CNTNAP2: variants seen among roughly 807,000 people sequenced by gnomAD.
CNTNAP2 encodes contactin associated protein 2.
In CNTNAP2, 98 loss-of-function variants were observed where a neutral mutation model predicts 155.2. The ratio of observed to expected loss-of-function variants is 0.63; its 90% CI spans 0.54 to 0.75. CNTNAP2 has a LOEUF of 0.75. Among genes scored for constraint, CNTNAP2 ranks in the 30% least tolerant of loss-of-function variants. The pLI is 0.00. For missense variants in CNTNAP2, 1,727 were observed against 1,688.1 expected, an observed-to-expected ratio of 1.02 and a Z score of -0.40; for synonymous variants, 651 against 631.2, an observed-to-expected ratio of 1.03 and a Z score of -0.47.
At chr7:147,528,701 A>G (rs1308982398) in intron 11 of CNTNAP2, among the ~76,000 whole-genome samples, 1 of 152,328 alleles carries the variant, frequency 6.6e-6, no homozygotes, top group East Asian at 1.9e-4. Flanking sequence ...TGGCCCACAC[A>G]TGAGAGGGAA....
chr7:147,849,233 A>G (rs573547741), intron 13 of CNTNAP2, among the ~76,000 whole-genome samples: 11 of 152,352 alleles, frequency 7.2e-5, no homozygotes, highest in Non-Finnish European at 1.3e-4. Flanking sequence ...CTCAAGGCCA[A>G]TATTACATTT....
chr7:148,087,223 T>C (rs1803751587), intron 15 of CNTNAP2, among the ~76,000 whole-genome samples: 1 of 152,160 alleles, frequency 6.6e-6, no homozygotes, highest in Non-Finnish European at 1.5e-5. Context: ...CCCCATGTTG[T>C]TAGTCTTTCT....
chr7:147,118,887 T>C (rs1330821955), intron 5 of CNTNAP2, among the ~76,000 whole-genome samples: 2 of 152,194 alleles, frequency 1.3e-5, no homozygotes, highest in Non-Finnish European at 2.9e-5. Context: ...TAGACCAAAT[T>C]ATTTTTAGAG....
In CNTNAP2 at chr7:146,450,967, G is replaced by C. The variant is rs1213820828; in HGVS notation, c.98-323304G>C. On this transcript the variant is annotated intron_variant, in intron 1 of 23. Coordinates refer to ENST00000361727, the MANE Select transcript of CNTNAP2 (RefSeq NM_014141.6). The stretch of plus-strand genomic sequence containing the variant: ...TTTATTTATTTATTTATTTATTTGA[G>C]ACGGAGTCTTGCCCTGTCGTCCAGG... 3.1e-5 allele frequency among the ~76,000 whole-genome samples: 3 copies of C among 95,828 alleles called. No individual in the cohort carries two copies. In the East Asian group the frequency reaches 8.1e-4, roughly 26 times the overall value. 62.9% of individuals were successfully genotyped at this position (95,828 alleles called of 152,430 possible).
chr7:148,001,415 G>T (rs565978188), intron 15 of CNTNAP2, among the ~76,000 whole-genome samples: 17 of 152,258 alleles, frequency 1.1e-4, no homozygotes, highest in African/African-American at 3.9e-4. Flanking sequence ...CACCTGGAAG[G>T]TCCCATCACA....
chr7:148,193,340 TGAG>T (rs1224562528), intron 18 of CNTNAP2, among the ~76,000 whole-genome samples: 1 of 152,230 alleles, frequency 6.6e-6, no homozygotes, highest in Admixed American at 6.5e-5. Flanking sequence ...ACCCACGTTT[TGAG>T]GGGCCCACAC....
chr7:146,538,297 C>T (rs1161002021), intron 1 of CNTNAP2, among the ~76,000 whole-genome samples: 1 of 152,072 alleles, frequency 6.6e-6, no homozygotes, highest in Non-Finnish European at 1.5e-5. Context: ...TAATTTACAA[C>T]AATGAGCATT....
In CNTNAP2 at chr7:147,281,076, G is replaced by A. The variant is rs971847645; in HGVS notation, c.1349-19065G>A. ...TAATCATCTGTTCATTTTCAAAATG[G>A]GAAGTAACTCTGGCTGTTACACAGA... is the stretch of plus-strand genomic sequence containing the variant. On this transcript the variant is annotated intron_variant, in intron 8 of 23. Coordinates refer to ENST00000361727, the MANE Select transcript of CNTNAP2 (RefSeq NM_014141.6). Among the ~76,000 whole-genome samples the A allele has an allele frequency of 3.3e-5, 5 of 151,852 alleles. 1 individual carries two copies. In the Middle Eastern group the frequency reaches 0.017, roughly 517 times the overall value.
At chr7:148,344,912 G>A (rs1798294910) in intron 21 of CNTNAP2, among the ~76,000 whole-genome samples, 1 of 152,150 alleles carries the variant, frequency 6.6e-6, no homozygotes, top group African/African-American at 2.4e-5. Flanking sequence ...CAAAATAAAG[G>A]AGACCTAAGA....
intron 15 of CNTNAP2, among the ~76,000 whole-genome samples, chr7:148,088,064 C>T (rs1463601744): frequency 6.6e-6 from 1 of 151,886 alleles, no homozygotes; most frequent in African/African-American, 2.4e-5. Flanking sequence ...GGTTCCAAAC[C>T]ATGTATACTT....
chr7:146,774,592 G>A (rs1365751982), intron 2 of CNTNAP2, among the ~76,000 whole-genome samples: 1 of 152,080 alleles, frequency 6.6e-6, no homozygotes, highest in African/African-American at 2.4e-5. Context: ...GGAAGTTAGA[G>A]ATAGTACGTC....
At chr7:147,298,771 T>G (rs1794887251) in intron 8 of CNTNAP2, among the ~76,000 whole-genome samples, 1 of 152,226 alleles carries the variant, frequency 6.6e-6, no homozygotes, top group African/African-American at 2.4e-5. Context: ...AACATTTATA[T>G]GGACACTAAC....
At chr7:146,890,536 A>G (rs1795753811) in intron 3 of CNTNAP2, among the ~76,000 whole-genome samples, 1 of 152,210 alleles carries the variant, frequency 6.6e-6, no homozygotes, top group Non-Finnish European at 1.5e-5. Context: ...TGTCTATCAA[A>G]CAAACCACAT....
intron 14 of CNTNAP2, among the ~76,000 whole-genome samples, chr7:147,911,474 T>G (rs1800066823): frequency 6.6e-6 from 1 of 152,164 alleles, no homozygotes; most frequent in Non-Finnish European, 1.5e-5. Context: ...TTTCTAATCA[T>G]TTACAGGACA....
chr7:146,290,248 A>G (rs1382425330), intron 1 of CNTNAP2, among the ~76,000 whole-genome samples: 2 of 152,144 alleles, frequency 1.3e-5, no homozygotes, highest in East Asian at 3.9e-4. Flanking sequence ...GGCTCCATTT[A>G]AAGAAGCAGC....
Position 148,394,178 on chromosome 7 carries a change from A to G in CNTNAP2, c.3715+10290A>G, listed in dbSNP as rs542425775. Among the ~76,000 whole-genome samples, 15 of 151,912 alleles carry G rather than the reference A, an allele frequency of 9.9e-5. No homozygotes were observed. The South Asian group carries it at 2.9e-3, about 30-fold the overall frequency. ...TGTGTTTTATTTGTAAGTTCTACGT[A>G]TTTTCTTCCCTGGAAATTTATTTGG... On this transcript the variant is annotated intron_variant, in intron 22 of 23. Transcript: ENST00000361727.
intron 3 of CNTNAP2, among the ~76,000 whole-genome samples, chr7:146,919,110 T>C (rs532998154): frequency 6.6e-6 from 1 of 152,302 alleles, no homozygotes; most frequent in South Asian, 2.1e-4. Context: ...TTTGACTTCT[T>C]TATGTTGGAT....
intron 13 of CNTNAP2, among the ~76,000 whole-genome samples, chr7:147,692,966 GTTTAGCAT>G (rs1454811104): frequency 6.6e-6 from 1 of 151,948 alleles, no homozygotes; most frequent in Non-Finnish European, 1.5e-5. Flanking sequence ...GAGTTTTATA[GTTTAGCAT>G]TTTACATTTA....
At chr7:147,446,645 A>G (rs1411206394) in intron 10 of CNTNAP2, among the ~76,000 whole-genome samples, 2 of 152,218 alleles carry the variant, frequency 1.3e-5, no homozygotes, top group Non-Finnish European at 2.9e-5. Context: ...CCACCTCAAG[A>G]GACTGTTTAC....
Sources: allele counts gnomAD v4.1 joint callset (sites outside exome capture counted in the v4.1 genomes callset), GRCh38; gene constraint gnomAD v4.1.1; transcripts MANE v1.5; gene names NCBI Gene and HGNC (gene_info 2026-07-23, HGNC 2026-07-21).